Variants in SYNDIG1 observed in about 807,000 individuals in gnomAD.
The protein encoded by SYNDIG1 is synapse differentiation-inducing gene protein 1.
Under a neutral mutation model 19.4 loss-of-function variants are expected in SYNDIG1, and 9 were observed. The ratio of observed to expected loss-of-function variants is 0.46; its 90% confidence interval spans 0.28 to 0.81. The LOEUF (loss-of-function observed/expected upper bound fraction) is 0.81. Ranked by LOEUF, SYNDIG1 falls within the 30% of genes least tolerant of loss-of-function variation. The pLI, the probability that SYNDIG1 is intolerant of heterozygous loss-of-function variation, is 0.12. For missense variants in SYNDIG1, 311 were observed against 343.3 expected, an observed-to-expected ratio of 0.91 and a Z score of 0.74; for synonymous variants, 141 against 145.9, an observed-to-expected ratio of 0.97 and a Z score of 0.24.
intron 3 of SYNDIG1, among the ~76,000 whole-genome samples, chr20:24,618,196 T>G (rs1600758297): frequency 1.2e-4 from 2 of 16,034 alleles, no homozygotes; most frequent in Admixed American, 8.9e-4. Flanking sequence ...GGGGAGAGCC[T>G]GGGGAGGGGT....
intron 3 of SYNDIG1, among the ~76,000 whole-genome samples, chr20:24,592,513 T>C (rs1478662698): frequency 1.3e-5 from 2 of 152,206 alleles, no homozygotes; most frequent in Non-Finnish European, 2.9e-5. Context: ...GAATTTGCTT[T>C]CTTAGTTGTG....
intron 2 of SYNDIG1, among the ~76,000 whole-genome samples, chr20:24,549,178 G>GT (rs1310623281): frequency 6.6e-6 from 1 of 152,108 alleles, no homozygotes; most frequent in Non-Finnish European, 1.5e-5. Context: ...ATATCTAGCT[G>GT]TAATTTTGTA....
rs375904528 is a variant in SYNDIG1 at position 24,651,841 on chromosome 20, G to A, written c.619-13505G>A. ...CTTCCCCCTGCAACACTCACCCAGA[G>A]CCCTGAGCTGCCACACAGGAAGTTC... On this transcript the variant is annotated intron_variant, in intron 3 of 3. Coordinates refer to ENST00000376862, the MANE Select transcript of SYNDIG1 (RefSeq NM_024893.3). 2.4e-3 allele frequency among the ~76,000 whole-genome samples: 361 copies of A among 152,322 alleles called. 4 individuals carry two copies. The highest frequency in any genetic ancestry group is 8.4e-3 in the African/African-American group (348 of 41,580).
intron 1 of SYNDIG1, among the ~76,000 whole-genome samples, chr20:24,489,598 A>G (rs1281058011): frequency 6.6e-6 from 1 of 152,222 alleles, no homozygotes; most frequent in Non-Finnish European, 1.5e-5. Context: ...ACATGACCAC[A>G]CACAGACACA....
chr20:24,574,122 A>G (rs921752146), intron 2 of SYNDIG1, among the ~76,000 whole-genome samples: 1 of 152,096 alleles, frequency 6.6e-6, no homozygotes, highest in African/African-American at 2.4e-5. Flanking sequence ...ATCACCTCCC[A>G]AAAAAGCAAT....
chr20:24,650,889 G>A (rs2059465284), intron 3 of SYNDIG1, among the ~76,000 whole-genome samples: 1 of 152,150 alleles, frequency 6.6e-6, no homozygotes, highest in African/African-American at 2.4e-5. Flanking sequence ...AGGCTGGAGT[G>A]TAGTGGTGCG....
chr20:24,555,852 G>A (rs1287389770), intron 2 of SYNDIG1, among the ~76,000 whole-genome samples: 3 of 151,976 alleles, frequency 2.0e-5, no homozygotes, highest in Non-Finnish European at 4.4e-5. Context: ...TCAATTCCTG[G>A]GTATCCTTGT....
rs71312681 is a variant in SYNDIG1, at chr20:24,476,691, C to CA, written c.-79+6946dup. Among the ~76,000 whole-genome samples, 759 of 151,050 alleles carry CA rather than the reference C, an allele frequency of 5.0e-3. 4 individuals are homozygous for CA. Among genetic ancestry groups the CA allele is most frequent in the Non-Finnish European group, 7.0e-3 (473 of 67,712 alleles). ...ACTAAAAAAAAAACAAACAAACAAA[C>CA]AAAAAAAACAAAAAAAAACTGTGGA... On this transcript the variant is annotated intron_variant, in intron 1 of 3. Coordinates refer to ENST00000376862, the MANE Select transcript of SYNDIG1 (RefSeq NM_024893.3).
chr20:24,527,439 A>G (rs1338834268), intron 1 of SYNDIG1, among the ~76,000 whole-genome samples: 3 of 152,034 alleles, frequency 2.0e-5, no homozygotes, highest in Admixed American at 6.5e-5. Flanking sequence ...CAATTGTTCT[A>G]TACTTTCTTC....
chr20:24,647,700 A>G (rs76461165), intron 3 of SYNDIG1, among the ~76,000 whole-genome samples: 3,166 of 151,692 alleles, frequency 0.021, 91 homozygotes, highest in African/African-American at 0.067. Context: ...CCTGTTTTCC[A>G]AAGGAAAGTG....
At chr20:24,555,316 C>T (rs1413740536) in intron 2 of SYNDIG1, among the ~76,000 whole-genome samples, 1 of 152,114 alleles carries the variant, frequency 6.6e-6, no homozygotes, top group African/African-American at 2.4e-5. Flanking sequence ...CAGTTCTGCT[C>T]TGATTTTAGT....
chr20:24,538,197 C>CACCATCTATCT (rs1368088402), intron 1 of SYNDIG1, among the ~76,000 whole-genome samples: 2 of 152,004 alleles, frequency 1.3e-5, no homozygotes, highest in African/African-American at 4.8e-5. Flanking sequence ...TAACCATCAC[C>CACCATCTATCT]ACCATCTATC....
chr20:24,481,684 G>A (rs1056342684), intron 1 of SYNDIG1, among the ~76,000 whole-genome samples: 1 of 152,198 alleles, frequency 6.6e-6, no homozygotes, highest in African/African-American at 2.4e-5. Flanking sequence ...AGACAGGTAG[G>A]TCAGACAGAG....
At chr20:24,490,973 C>CTTAG (rs1423744953) in intron 1 of SYNDIG1, among the ~76,000 whole-genome samples, 7 of 152,198 alleles carry the variant, frequency 4.6e-5, no homozygotes. Context: ...ACTGAGCCCA[C>CTTAG]TTAGGGAGGT....
At chr20:24,602,662 C>T (rs549527198) in intron 3 of SYNDIG1, among the ~76,000 whole-genome samples, 2 of 152,320 alleles carry the variant, frequency 1.3e-5, no homozygotes, top group South Asian at 4.1e-4. Flanking sequence ...TTGTCCTCTC[C>T]CTGGCCTTGG....
intron 3 of SYNDIG1, among the ~76,000 whole-genome samples, chr20:24,597,531 C>T (rs1466269947): frequency 6.6e-6 from 1 of 152,104 alleles, no homozygotes; most frequent in South Asian, 2.1e-4. Flanking sequence ...GAATTCTGGT[C>T]ACTGTGTTTC....
intron 1 of SYNDIG1, among the ~76,000 whole-genome samples, chr20:24,534,983 C>G (rs997886935): frequency 2.6e-5 from 4 of 152,224 alleles, no homozygotes; most frequent in Admixed American, 2.6e-4. Context: ...TATTTTGTCA[C>G]CAACCACTGG....
intron 3 of SYNDIG1, among the ~76,000 whole-genome samples, chr20:24,617,627 C>G (rs916090647): frequency 2.2e-4 from 33 of 152,166 alleles, no homozygotes; most frequent in African/African-American, 7.2e-4. Context: ...CCAGCAAAGC[C>G]CGGGGGTGCA....
At chr20:24,626,904 T>C (rs1328185921) in intron 3 of SYNDIG1, among the ~76,000 whole-genome samples, 4 of 152,102 alleles carry the variant, frequency 2.6e-5, no homozygotes, top group Non-Finnish European at 5.9e-5. Context: ...CGAAACCCCG[T>C]CTCCACCAAA....
Sources: gnomAD v4.1 joint callset for allele counts (sites outside exome capture counted in the v4.1 genomes callset) on GRCh38, gnomAD v4.1.1 for gene constraint, MANE v1.5 for transcripts, NCBI Gene and HGNC (gene_info 2026-07-23, HGNC 2026-07-21) for gene names.